The following CHST4 variants were observed in gnomAD, a reference collection of about 807,000 sequenced individuals.
CHST4 encodes carbohydrate sulfotransferase 4, also known as GST-3.
For synonymous variants in CHST4, 171 were observed against 195.5 expected (o/e 0.87, Z 1.05); for missense variants, 466 against 506.0 (o/e 0.92, Z 0.76).
At chr16:71,534,779 T>C (rs896427446) in intron 1 of CHST4, among the ~76,000 whole-genome samples, 6 of 152,170 alleles carry the variant, frequency 3.9e-5, no homozygotes, top group Non-Finnish European at 7.4e-5. Flanking sequence ...CCAGCCCCAC[T>C]TACCATCTGG....
chr16:71,535,945 A>G (rs1245116906), intron 1 of CHST4, among the ~76,000 whole-genome samples: 1 of 152,182 alleles, frequency 6.6e-6, no homozygotes, highest in Non-Finnish European at 1.5e-5. Context: ...GTCAGGTGCT[A>G]GACGTAGACT....
Position 71,536,824 on chromosome 16 carries a change from T to C in CHST4, c.147T>C (p.Ser49=). The C allele has an allele frequency of 1.3e-6, 2 of 1,537,940 alleles. No homozygotes were observed. The highest frequency in any genetic ancestry group is 1.7e-6 in the Non-Finnish European group (2 of 1,143,078). ...QPERMHVLVL[S]SWRSGSSFVG... ...AGCGCATGCACGTGCTGGTTCTGTCTTCCTGGCGCTCTGGCTCTTCTTTTG... is the reference window on the plus strand; with the variant it reads ...AGCGCATGCACGTGCTGGTTCTGTCCTCCTGGCGCTCTGGCTCTTCTTTTG... The change falls in exon 2 of 2, where the codon TCT becomes TCC. Residue 49 remains serine, a synonymous_variant. Transcript: ENST00000539698.
chr16:71,535,347 A>G (rs748420564), intron 1 of CHST4, among the ~76,000 whole-genome samples: 3 of 151,986 alleles, frequency 2.0e-5, no homozygotes, highest in South Asian at 4.1e-4. Context: ...TAATTTTTGC[A>G]TTTTTAGTAG....
At chr16:71,534,942 C>T (rs2145206319) in intron 1 of CHST4, among the ~76,000 whole-genome samples, 1 of 152,268 alleles carries the variant, frequency 6.6e-6, no homozygotes, top group South Asian at 2.1e-4. Context: ...GAAGGTCACC[C>T]AGAATGACAA....
At chr16:71,532,033 T>C (rs1249105951) in intron 1 of CHST4, among the ~76,000 whole-genome samples, 1 of 150,134 alleles carries the variant, frequency 6.7e-6, no homozygotes, top group East Asian at 2.0e-4. Flanking sequence ...GCAGCACATC[T>C]TAGCTGGTCC....
In CHST4 at chr16:71,538,077, C is replaced by G. The variant is rs2044007045; in HGVS notation, c.*239C>G. 1 of 543,744 alleles carries G rather than the reference C, an allele frequency of 1.8e-6. No homozygotes were observed. The allele number at this position is 543,744 out of a possible 1,614,324, so 33.7% of individuals were successfully genotyped here. A position where few individuals can be genotyped will look rare whatever the true frequency, so the allele number is the denominator to read the frequency against. On this transcript the variant is annotated 3_prime_UTR_variant, in exon 2 of 2. Coordinates refer to ENST00000539698, the MANE Select transcript of CHST4 (RefSeq NM_001166395.2). The stretch of plus-strand genomic sequence containing the variant: ...CCCACCAGTGAAACAGGGTATTGCT[C>G]TTCTTCTTTTCTTGATCTTCCTGTC...
At chr16:71,527,189 C>T (rs890193771) in intron 1 of CHST4, among the ~76,000 whole-genome samples, 4 of 152,172 alleles carry the variant, frequency 2.6e-5, no homozygotes, top group African/African-American at 9.7e-5. Flanking sequence ...GAAGATACGT[C>T]TATCTTGCAT....
Position 71,537,377 on chromosome 16 carries a change from C to T in CHST4, c.700C>T (p.Gln234Ter). The T allele has an allele frequency of 6.2e-7, 1 of 1,614,096 alleles. No homozygotes were observed. Among genetic ancestry groups the T allele is most frequent in the Non-Finnish European group, 8.5e-7 (1 of 1,180,038 alleles). ...TCGCATTGTGATGGGGCAGCATGAGCAAAAACTCAAGAAGGAGGACCAACC... is the reference window on the plus strand; with the variant it reads ...TCGCATTGTGATGGGGCAGCATGAGTAAAAACTCAAGAAGGAGGACCAACC... Reference protein sequence around the residue: ...DSRIVMGQHEQKLKKEDQPYY... With the variant: ...DSRIVMGQHE Residue 234 changes from glutamine (Q) to a stop codon, truncating the protein, a stop_gained, in exon 2 of 2, where the codon CAA becomes TAA. Coordinates refer to ENST00000539698, the MANE Select transcript of CHST4 (RefSeq NM_001166395.2). LOFTEE classifies it low-confidence loss of function (END_TRUNC). The surrounding 1 kb of genome is among the most constrained non-coding windows in gnomAD (Gnocchi z 4.2).
rs1016098504 is a variant in CHST4 at position 71,537,428 on chromosome 16, C to G, written c.751C>G (p.Gln251Glu). The G allele has an allele frequency of 6.2e-7, 1 of 1,613,624 alleles. No individual in the cohort carries two copies. Among genetic ancestry groups the G allele is most frequent in the Non-Finnish European group, 8.5e-7 (1 of 1,179,926 alleles). Reference sequence around the variant, plus strand: ...CTACTATGTGATGCAGGTCATCTGCCAAAGCCAGCTGGAGATCTACAAGAC... The same window carrying G: ...CTACTATGTGATGCAGGTCATCTGCGAAAGCCAGCTGGAGATCTACAAGAC... ...QPYYVMQVIC[Q>E]SQLEIYKTIQ... Residue 251 changes from glutamine to glutamate, a missense_variant, in exon 2 of 2, where the codon CAA becomes GAA. Coordinates refer to ENST00000539698, the MANE Select transcript of CHST4 (RefSeq NM_001166395.2). This position sits in a 1 kb window ranked among gnomAD's most constrained non-coding sequence, Gnocchi z 4.2.
chr16:71,530,578 C>A (rs1048786404), intron 1 of CHST4, among the ~76,000 whole-genome samples: 8 of 150,996 alleles, frequency 5.3e-5, no homozygotes, highest in African/African-American at 2.0e-4. Context: ...CCAGCCTGGG[C>A]AATATAGTGA....
At chr16:71,535,897 T>C (rs2043984011) in intron 1 of CHST4, among the ~76,000 whole-genome samples, 1 of 152,140 alleles carries the variant, frequency 6.6e-6, no homozygotes, top group Non-Finnish European at 1.5e-5. Flanking sequence ...ATCAGAAGGA[T>C]TTGCTATCTA....
At position 71,537,342 on chromosome 16, in the gene CHST4, T is replaced by G; in HGVS notation, c.665T>G (p.Met222Arg). The part of the protein sequence containing the change: ...RSRERTKGDL[M>R]IDSRIVMGQH... ...CGAGAACGCACAAAGGGAGATCTCA[T>G]GATTGACAGTCGCATTGTGATGGGG... The change falls in exon 2 of 2, where the codon ATG becomes AGG. Residue 222 changes from methionine (M) to arginine (R), a missense_variant. Coordinates refer to ENST00000539698, the MANE Select transcript of CHST4 (RefSeq NM_001166395.2). This position sits in a 1 kb window ranked among gnomAD's most constrained non-coding sequence, Gnocchi z 4.2. 1 of 1,614,170 alleles carries G rather than the reference T, an allele frequency of 6.2e-7. No homozygotes were observed. The highest frequency in any genetic ancestry group is 8.5e-7 in the Non-Finnish European group (1 of 1,180,028).
At chr16:71,534,719 T>C (rs1269105965) in intron 1 of CHST4, among the ~76,000 whole-genome samples, 1 of 152,160 alleles carries the variant, frequency 6.6e-6, no homozygotes, top group Non-Finnish European at 1.5e-5. Context: ...AAAAACTTTT[T>C]AAATAATTGG....
chr16:71,532,989 A>G (rs1265314070), intron 1 of CHST4, among the ~76,000 whole-genome samples: 2 of 152,226 alleles, frequency 1.3e-5, no homozygotes, highest in Non-Finnish European at 2.9e-5. Flanking sequence ...ATTGACAACT[A>G]AAAATAAAGG....
intron 1 of CHST4, 33 bp downstream of exon 1, chr16:71,526,528 G>C (rs898147868): frequency 3.3e-5 from 5 of 152,304 alleles, no homozygotes; most frequent in African/African-American, 1.2e-4. Context: ...CGACTCCAAT[G>C]CAGAGCCATT....
In CHST4 at chr16:71,537,458, C is replaced by A. The variant is rs1209906705; in HGVS notation, c.781C>A (p.Gln261Lys). Residue 261 changes from glutamine (Q) to lysine (K), a missense_variant, in exon 2 of 2, where the codon CAG becomes AAG. Coordinates refer to ENST00000539698, the MANE Select transcript of CHST4 (RefSeq NM_001166395.2). This position sits in a 1 kb window ranked among gnomAD's most constrained non-coding sequence, Gnocchi z 4.2. ...CCAGCTGGAGATCTACAAGACCATC[C>A]AGTCCTTGCCCAAGGCCCTGCAGGA... ...QSQLEIYKTI[Q>K]SLPKALQERY... 1 of 1,614,086 alleles carries A rather than the reference C, an allele frequency of 6.2e-7. No homozygotes were observed. The highest frequency in any genetic ancestry group is 1.3e-5 in the African/African-American group (1 of 74,926).
intron 1 of CHST4, 134 bp from the exon 2 acceptor site, chr16:71,536,525 TG>T (rs2145207580): frequency 2.0e-6 from 1 of 493,050 alleles, no homozygotes; most frequent in East Asian, 3.2e-5. Context: ...GTGCCATTGT[TG>T]GCACGAATCC....
At chr16:71,526,591 A>G (rs1213998158) in intron 1 of CHST4, 96 bp downstream of exon 1, 1 of 152,208 alleles carries the variant, frequency 6.6e-6, no homozygotes, top group Admixed American at 6.5e-5. Context: ...GCTAAGCTAG[A>G]GATTACAGTG....
At position 71,537,552 on chromosome 16, in the gene CHST4, A is replaced by T. The variant is rs769370493; in HGVS notation, c.875A>T (p.Glu292Val). The change falls in exon 2 of 2, where the codon GAA becomes GTA. Residue 292 changes from glutamate to valine, a missense_variant. Physicochemically the swap from Glu to Val is moderately radical, Grantham distance 121. Transcript: ENST00000539698. The surrounding 1 kb of genome is among the most constrained non-coding windows in gnomAD (Gnocchi z 4.2). The part of the protein sequence containing the change: ...APVAQTSRMY[E>V]FVGLEFLPHL... ...GTGGCCCAGACTTCCCGAATGTATG[A>T]ATTCGTGGGATTGGAATTCTTGCCC... 5 of 1,614,108 alleles carry T rather than the reference A, an allele frequency of 3.1e-6. No homozygotes were observed. Among genetic ancestry groups the T allele is most frequent in the Non-Finnish European group, 4.2e-6 (5 of 1,180,018 alleles).
Sources: allele counts gnomAD v4.1 joint callset (sites outside exome capture counted in the v4.1 genomes callset), GRCh38; gene constraint gnomAD v4.1.1; non-coding constraint Gnocchi (gnomAD v3.1); transcripts MANE v1.5; gene names NCBI Gene and HGNC (gene_info 2026-07-23, HGNC 2026-07-21).